ANKRD11: variants seen among roughly 807,000 people sequenced by gnomAD.
The protein encoded by ANKRD11 is ankyrin repeat domain 11.
Under a neutral mutation model 195.7 loss-of-function variants are expected in ANKRD11, and 17 were observed. That is an observed-to-expected ratio of 0.09 (90% CI 0.06 to 0.13). ANKRD11 has a LOEUF of 0.13. ANKRD11 is among the 10% of genes least tolerant of loss of function. The pLI is 1.00. For synonymous variants in ANKRD11, 1,953 were observed against 1,528.1 expected, an observed-to-expected ratio of 1.28 and a Z score of -6.49; for missense variants, 3,735 against 3,566.1, an observed-to-expected ratio of 1.05 and a Z score of -1.21.
chr16:89,368,443 G>A (rs1317076671), intron 2 of ANKRD11, among the ~76,000 whole-genome samples: 3 of 123,662 alleles, frequency 2.4e-5, no homozygotes, highest in African/African-American at 6.0e-5. Flanking sequence ...GGCTGGTCTC[G>A]AACTCCTGAC....
In ANKRD11 at chr16:89,486,690, C is replaced by T. The variant is rs139665066; in HGVS notation, c.-145+3555G>A. Among the ~76,000 whole-genome samples, 44 of 152,186 alleles carry T rather than the reference C, an allele frequency of 2.9e-4. 1 individual carries two copies. The highest frequency in any genetic ancestry group is 1.0e-3 in the African/African-American group (43 of 41,536). ...TGGTATCAGAGTTAGGCCACAGTCA[C>T]CATTTGGGACGTTATCATAAAAATA... On this transcript the variant is annotated intron_variant, in intron 1 of 12. Coordinates refer to ENST00000301030, the MANE Select transcript of ANKRD11 (RefSeq NM_013275.6).
intron 2 of ANKRD11, among the ~76,000 whole-genome samples, chr16:89,397,022 G>A (rs2041467123): frequency 6.6e-6 from 1 of 150,390 alleles, no homozygotes; most frequent in African/African-American, 2.4e-5. Context: ...GAAAATACAG[G>A]ATTTTTTTTT....
At position 89,455,803 on chromosome 16, in the gene ANKRD11, T is replaced by C. The variant is rs140633346; in HGVS notation, c.-145+34442A>G. ...GTAGGAATGTAAAATGGTGCAGCTG[T>C]TGTTGAAATACTTTGGCAATTCCTC... On this transcript the variant is annotated intron_variant, in intron 1 of 12. Coordinates refer to ENST00000301030, the MANE Select transcript of ANKRD11 (RefSeq NM_013275.6). 3.7e-4 allele frequency among the ~76,000 whole-genome samples: 57 copies of C among 152,298 alleles called. No individual in the cohort carries two copies. In the South Asian group the frequency reaches 6.8e-3, roughly 18 times the overall value.
chr16:89,354,468 C>T (rs565566493), intron 2 of ANKRD11, among the ~76,000 whole-genome samples: 1 of 152,222 alleles, frequency 6.6e-6, no homozygotes, highest in African/African-American at 2.4e-5. Context: ...CCTCCCTGCA[C>T]CAGTGGAAAT....
At chr16:89,313,497 G>C in intron 3 of ANKRD11, 2 of 1,289,200 alleles carry the variant, frequency 1.6e-6, no homozygotes, top group South Asian at 1.2e-5. Context: ...AAGCCGTCAG[G>C]TCAGCGCGGC....
In ANKRD11 at chr16:89,392,928, G is replaced by C. The variant is rs539277330; in HGVS notation, c.-60+25356C>G. Among the ~76,000 whole-genome samples the C allele has an allele frequency of 1.5e-3, 222 of 152,048 alleles. 1 individual carries two copies. Among genetic ancestry groups the C allele is most frequent in the Non-Finnish European group, 2.7e-3 (184 of 67,998 alleles). ...ACCACCTTGGGACCTGCCTGCATCT[G>C]AAATGAGTGAGTGATCTACAGTCAC... On this transcript the variant is annotated intron_variant, in intron 2 of 12. Coordinates refer to ENST00000301030, the MANE Select transcript of ANKRD11 (RefSeq NM_013275.6).
chr16:89,375,151 G>A lies in ANKRD11; in HGVS notation c.-60+43133C>T, dbSNP rs535749130. On this transcript the variant is annotated intron_variant, in intron 2 of 12. Coordinates refer to ENST00000301030, the MANE Select transcript of ANKRD11 (RefSeq NM_013275.6). ...CAGTGCGGGACATACCACACTGCAC[G>A]CTGTAATGATCTCACAGCCACAGCC... is the stretch of plus-strand genomic sequence containing the variant. 4.6e-5 allele frequency among the ~76,000 whole-genome samples: 7 copies of A among 152,180 alleles called. No homozygotes were observed. In the South Asian group the frequency reaches 1.5e-3, roughly 32 times the overall value.
chr16:89,285,038 G>A lies in ANKRD11; in HGVS notation c.1504C>T (p.Leu502Phe), dbSNP rs1281556223. The A allele has an allele frequency of 6.2e-7, 1 of 1,613,952 alleles. No individual in the cohort carries two copies. Among genetic ancestry groups the A allele is most frequent in the African/African-American group, 1.3e-5 (1 of 75,030 alleles). The change falls in exon 9 of 13, where the codon CTC (leucine) becomes TTC (phenylalanine). Residue 502 changes from leucine (L) to phenylalanine (F), a missense_variant. By Grantham distance (22) the Leu-to-Phe change is conservative. Coordinates refer to ENST00000301030, the MANE Select transcript of ANKRD11 (RefSeq NM_013275.6). This position sits in a 1 kb window ranked among gnomAD's most constrained non-coding sequence, Gnocchi z 5.6. ...TTCAGCACCAGCGGGGACCCCTTGA[G>A]GCAGCCAGAGCTCCCCAGAGAGTCC... ...DRDSLGSSGCLKGSPLVLKDP... is the reference protein window; with the variant it reads ...DRDSLGSSGCFKGSPLVLKDP...
chr16:89,377,434 C>T (rs2040469764), intron 2 of ANKRD11, among the ~76,000 whole-genome samples: 1 of 151,652 alleles, frequency 6.6e-6, no homozygotes, highest in Admixed American at 6.6e-5. Context: ...TTTACAACAG[C>T]CAATCAAGGA....
intron 2 of ANKRD11, 77 bp downstream of exon 2, chr16:89,418,204 ACTC>A: frequency 2.3e-6 from 1 of 441,726 alleles, no homozygotes; most frequent in South Asian, 1.6e-5. Context: ...CAACCTGGAC[ACTC>A]ACGCATTATT....
intron 3 of ANKRD11, 127 bp downstream of exon 3, chr16:89,316,806 C>T (rs1237986499): frequency 8.5e-7 from 1 of 1,169,822 alleles, no homozygotes; most frequent in East Asian, 2.6e-5. Flanking sequence ...CCACTCCTGG[C>T]TGCAGACAGA....
intron 2 of ANKRD11, among the ~76,000 whole-genome samples, chr16:89,381,183 T>C (rs1294430644): frequency 6.6e-6 from 1 of 151,732 alleles, no homozygotes; most frequent in Non-Finnish European, 1.5e-5. Context: ...ATAAAAATAA[T>C]AAGCTGGGCA....
chr16:89,435,385 C>A (rs1388570183), intron 1 of ANKRD11, among the ~76,000 whole-genome samples: 2 of 152,180 alleles, frequency 1.3e-5, no homozygotes, highest in South Asian at 2.1e-4. Flanking sequence ...CTGGGGTCCC[C>A]TTCCATGCTG....
chr16:89,366,449 T>C (rs958678152), intron 2 of ANKRD11, among the ~76,000 whole-genome samples: 2 of 152,128 alleles, frequency 1.3e-5, no homozygotes, highest in Admixed American at 6.5e-5. Context: ...CTGCCAACAG[T>C]GTATAAGTGC....
At chr16:89,271,842 T>A (rs898880911) in intron 11 of ANKRD11, 1 of 152,020 alleles carries the variant, frequency 6.6e-6, no homozygotes, top group African/African-American at 2.4e-5. Context: ...TGGGCAAACA[T>A]TTCTCAAGCA....
At chr16:89,483,478 G>T (rs908490148) in intron 1 of ANKRD11, among the ~76,000 whole-genome samples, 5 of 152,328 alleles carry the variant, frequency 3.3e-5, no homozygotes, top group African/African-American at 1.2e-4. Flanking sequence ...CACACTAAAA[G>T]ATAAAGGATA....
intron 1 of ANKRD11, among the ~76,000 whole-genome samples, chr16:89,457,084 C>A (rs1398340407): frequency 6.7e-6 from 1 of 149,030 alleles, no homozygotes; most frequent in Non-Finnish European, 1.5e-5. Flanking sequence ...CTCAGCCTCC[C>A]AAGTAGCTGG....
At chr16:89,332,228 G>A (rs116092310) in intron 2 of ANKRD11, among the ~76,000 whole-genome samples, 1 of 152,082 alleles carries the variant, frequency 6.6e-6, no homozygotes, top group South Asian at 2.1e-4. Flanking sequence ...CACAATAAAG[G>A]ATCATTTTAC....
In ANKRD11 at chr16:89,281,195, G is replaced by A; in HGVS notation, c.5347C>T (p.Leu1783Phe). ...ENASQAPARPLSTNLYRSVSV... is the reference protein window; with the variant it reads ...ENASQAPARPFSTNLYRSVSV... ...ACCGAGCGGTAAAGGTTTGTGGAGA[G>A]AGGCCTGGCAGGAGCCTGGCTGGCG... The change falls in exon 9 of 13, where the codon CTC (leucine) becomes TTC (phenylalanine). Residue 1783 changes from leucine (L) to phenylalanine (F), a missense_variant. Physicochemically the swap from Leu to Phe is conservative, Grantham distance 22. Coordinates refer to ENST00000301030, the MANE Select transcript of ANKRD11 (RefSeq NM_013275.6). The surrounding 1 kb of genome is among the most constrained non-coding windows in gnomAD (Gnocchi z 5.5). 2 of 1,614,222 alleles carry A rather than the reference G, an allele frequency of 1.2e-6. No individual in the cohort carries two copies. Among genetic ancestry groups the A allele is most frequent in the Non-Finnish European group, 1.7e-6 (2 of 1,180,036 alleles).
Sources: allele counts gnomAD v4.1 joint callset (sites outside exome capture counted in the v4.1 genomes callset), GRCh38; gene constraint gnomAD v4.1.1; non-coding constraint Gnocchi (gnomAD v3.1); transcripts MANE v1.5; gene names NCBI Gene and HGNC (gene_info 2026-07-23, HGNC 2026-07-21).